The following XPR1 variants were observed in gnomAD, a reference collection of about 807,000 sequenced individuals.
XPR1 encodes the protein xenotropic and polytropic retrovirus receptor 1, also known as solute carrier family 53 member 1.
Under a neutral mutation model 87.5 loss-of-function variants are expected in XPR1, and 28 were observed. That is an observed-to-expected ratio of 0.32 (90% CI 0.24 to 0.44). The LOEUF (loss-of-function observed/expected upper bound fraction) is 0.44, where lower values mean the gene tolerates loss of function less well. Ranked by LOEUF, XPR1 falls within the 20% of genes least tolerant of loss-of-function variation. The pLI is 1.00. For synonymous variants in XPR1, 300 were observed against 306.1 expected, an observed-to-expected ratio of 0.98 and a Z score of 0.21; for missense variants, 559 against 862.3, an observed-to-expected ratio of 0.65 and a Z score of 4.41.
chr1:180,884,676 A>G lies in XPR1; in HGVS notation c.*610A>G, dbSNP rs147276839. 6.5e-6 allele frequency: 1 copy of G among 152,780 alleles called. No homozygotes were observed. The allele number at this position is 152,780 out of a possible 1,614,324, so 9.5% of individuals were successfully genotyped here. ...GTGGGAAATATGATGTATTTGTTAC[A>G]CATAGTTTTCTCATTATTTATGAAA... is the stretch of plus-strand genomic sequence containing the variant. On this transcript the variant is annotated 3_prime_UTR_variant, in exon 15 of 15. Coordinates refer to ENST00000367590, the MANE Select transcript of XPR1 (RefSeq NM_004736.4).
In XPR1 at chr1:180,874,840, G is replaced by A. The variant is rs906992932; in HGVS notation, c.1808+898G>A. On this transcript the variant is annotated intron_variant, in intron 13 of 14. Coordinates refer to ENST00000367590, the MANE Select transcript of XPR1 (RefSeq NM_004736.4). ...AATCTGTAGACTTTGAAATTCACTT[G>A]TGACTGCCAATTAAAATTTGTATGC... Among the ~76,000 whole-genome samples, 25 of 152,182 alleles carry A rather than the reference G, an allele frequency of 1.6e-4. 1 individual carries two copies. Among genetic ancestry groups the A allele is most frequent in the African/African-American group, 5.1e-4 (21 of 41,446 alleles).
intron 2 of XPR1, among the ~76,000 whole-genome samples, chr1:180,758,150 A>T (rs1356282709): frequency 1.1e-5 from 1 of 92,822 alleles, no homozygotes; most frequent in Non-Finnish European, 2.7e-5. Flanking sequence ...CACACACATT[A>T]TTCAGCCACA....
chr1:180,652,308 G>A (rs1655324244), intron 1 of XPR1, among the ~76,000 whole-genome samples: 1 of 152,024 alleles, frequency 6.6e-6, no homozygotes, highest in Admixed American at 6.6e-5. Flanking sequence ...AAAAAAGAAG[G>A]TTGAAATGAC....
At chr1:180,725,189 C>A (rs1013622806) in intron 2 of XPR1, among the ~76,000 whole-genome samples, 2 of 152,140 alleles carry the variant, frequency 1.3e-5, no homozygotes, top group Admixed American at 1.3e-4. Context: ...AAAATCTTAA[C>A]CATACCCAAG....
intron 1 of XPR1, among the ~76,000 whole-genome samples, chr1:180,651,128 C>T (rs955157750): frequency 2.2e-4 from 33 of 150,034 alleles, no homozygotes; most frequent in Non-Finnish European, 3.5e-4. Context: ...TTTTTGAGAC[C>T]GAGTTTTGCT....
intron 1 of XPR1, among the ~76,000 whole-genome samples, chr1:180,648,807 C>T (rs1655202760): frequency 6.6e-6 from 1 of 152,152 alleles, no homozygotes; most frequent in Non-Finnish European, 1.5e-5. Flanking sequence ...TGCGCCCAGC[C>T]AGAAATCTGA....
intron 13 of XPR1, among the ~76,000 whole-genome samples, chr1:180,876,774 A>G (rs569155388): frequency 1.7e-4 from 26 of 148,830 alleles, no homozygotes; most frequent in Admixed American, 5.3e-4. Context: ...CAAAAACACA[A>G]TCAAGAACAT....
intron 7 of XPR1, among the ~76,000 whole-genome samples, chr1:180,817,649 T>C (rs1437748085): frequency 1.3e-5 from 2 of 151,238 alleles, no homozygotes; most frequent in African/African-American, 4.9e-5. Context: ...AATAACAAAC[T>C]GTAGCTACAT....
chr1:180,811,421 G>T lies in XPR1; in HGVS notation c.696G>T (p.Trp232Cys). 6.2e-7 allele frequency: 1 copy of T among 1,613,228 alleles called. No homozygotes were observed. The highest frequency in any genetic ancestry group is 8.5e-7 in the Non-Finnish European group (1 of 1,179,656). Residue 232 changes from tryptophan (W) to cysteine (C), a missense_variant, in exon 7 of 15, where the codon TGG becomes TGT. Coordinates refer to ENST00000367590, the MANE Select transcript of XPR1 (RefSeq NM_004736.4). ...TCTGTCCACAGCCTGCACCAGCATG[G>T]ACTACTTTTAGAGTTGGCCTATTTT... Reference protein sequence around the residue: ...PLGAAQPAPAWTTFRVGLFCG... With the variant: ...PLGAAQPAPACTTFRVGLFCG...
chr1:180,681,748 A>G (rs990141374), intron 1 of XPR1, among the ~76,000 whole-genome samples: 4 of 152,076 alleles, frequency 2.6e-5, no homozygotes, highest in African/African-American at 7.2e-5. Flanking sequence ...GCTGACTGCA[A>G]CTTCCGCCTC....
intron 14 of XPR1, among the ~76,000 whole-genome samples, chr1:180,881,464 C>T (rs555257992): frequency 2.6e-5 from 4 of 152,232 alleles, no homozygotes; most frequent in African/African-American, 9.6e-5. Flanking sequence ...CACCCAGCCA[C>T]GAGTCACAGA....
intron 1 of XPR1, 29 bp downstream of exon 1, chr1:180,632,299 C>T: frequency 6.2e-7 from 1 of 1,601,656 alleles, no homozygotes; most frequent in Non-Finnish European, 8.5e-7. Context: ...TGTGGGAGGA[C>T]TCGGAGGGGC....
intron 2 of XPR1, among the ~76,000 whole-genome samples, chr1:180,736,517 T>A (rs1211971643): frequency 6.6e-6 from 1 of 152,216 alleles, no homozygotes; most frequent in Non-Finnish European, 1.5e-5. Flanking sequence ...GTAGAATACC[T>A]GGATTGGAAT....
At chr1:180,835,757 AAG>A (rs1267118172) in intron 10 of XPR1, among the ~76,000 whole-genome samples, 1 of 152,182 alleles carries the variant, frequency 6.6e-6, no homozygotes, top group African/African-American at 2.4e-5. Context: ...GGTTTAAAAA[AAG>A]AGGGGAGGTG....
chr1:180,694,858 AGT>A (rs1657110769), intron 2 of XPR1, among the ~76,000 whole-genome samples: 1 of 152,088 alleles, frequency 6.6e-6, no homozygotes, highest in Non-Finnish European at 1.5e-5. Flanking sequence ...TATTGTGAAT[AGT>A]GCTGCAATAT....
intron 2 of XPR1, among the ~76,000 whole-genome samples, chr1:180,730,602 T>C (rs182702074): frequency 6.6e-6 from 1 of 152,338 alleles, no homozygotes; most frequent in East Asian, 1.9e-4. Context: ...CTATCACAGC[T>C]ACTTGCATTT....
chr1:180,785,173 G>A (rs997003530), intron 2 of XPR1, among the ~76,000 whole-genome samples: 5 of 151,516 alleles, frequency 3.3e-5, no homozygotes, highest in Admixed American at 6.6e-5. Context: ...CTTTTGAGAT[G>A]GAGTCTTGCT....
chr1:180,746,885 TAA>T (rs774289059), intron 2 of XPR1, among the ~76,000 whole-genome samples: 1 of 152,158 alleles, frequency 6.6e-6, no homozygotes, highest in Non-Finnish European at 1.5e-5. Flanking sequence ...AGGAATTACT[TAA>T]AAGTTTGTTG....
chr1:180,676,972 G>A (rs1656388523), intron 1 of XPR1, among the ~76,000 whole-genome samples: 1 of 152,154 alleles, frequency 6.6e-6, no homozygotes, highest in African/African-American at 2.4e-5. Context: ...GAACAGAATA[G>A]TATGATGTTT....
Sources: gnomAD v4.1 joint callset for allele counts (sites outside exome capture counted in the v4.1 genomes callset) on GRCh38, gnomAD v4.1.1 for gene constraint, MANE v1.5 for transcripts, NCBI Gene and HGNC (gene_info 2026-07-23, HGNC 2026-07-21) for gene names.